Variants in GRID2 observed in about 807,000 individuals in gnomAD.
GRID2 encodes glutamate receptor ionotropic, delta-2.
GRID2 carries 33 observed loss-of-function variants against 114.8 expected under a neutral mutation model. The ratio of observed to expected loss-of-function variants is 0.29; its 90% confidence interval spans 0.22 to 0.38. GRID2 has a LOEUF of 0.38. Among genes scored for constraint, GRID2 ranks in the 10% least tolerant of loss-of-function variants. The probability of loss-of-function intolerance (pLI) is 1.00; values close to 1 mark genes in which losing one functional copy is unlikely to be tolerated. For synonymous variants in GRID2, 505 were observed against 449.9 expected (o/e 1.12, Z -1.55); for missense variants, 1,184 against 1,257.7 (o/e 0.94, Z 0.89).
intron 11 of GRID2, among the ~76,000 whole-genome samples, chr4:93,489,096 TAAAC>T (rs1467525833): frequency 5.3e-5 from 8 of 151,908 alleles, no homozygotes; most frequent in Non-Finnish European, 5.9e-5. Context: ...AGGACGGAAA[TAAAC>T]AAAAATGTTT....
intron 1 of GRID2, among the ~76,000 whole-genome samples, chr4:92,346,327 A>G (rs537965937): frequency 6.6e-6 from 1 of 152,098 alleles, no homozygotes; most frequent in African/African-American, 2.4e-5. Flanking sequence ...TATTTCATTC[A>G]TGGTATAATT....
At chr4:93,706,292 T>G (rs1470920376) in intron 14 of GRID2, among the ~76,000 whole-genome samples, 1 of 152,238 alleles carries the variant, frequency 6.6e-6, no homozygotes, top group Non-Finnish European at 1.5e-5. Flanking sequence ...TTTAACAATA[T>G]TGATACTTCC....
chr4:92,883,028 G>T (rs1327997738), intron 2 of GRID2, among the ~76,000 whole-genome samples: 1 of 152,108 alleles, frequency 6.6e-6, no homozygotes. Context: ...TTTCACAAAA[G>T]ATTTCTCTTT....
intron 14 of GRID2, among the ~76,000 whole-genome samples, chr4:93,744,799 G>A (rs1731704002): frequency 6.6e-6 from 1 of 152,116 alleles, no homozygotes; most frequent in South Asian, 2.1e-4. Context: ...AATCTTTTGT[G>A]AAAGGAATAA....
intron 2 of GRID2, among the ~76,000 whole-genome samples, chr4:92,741,519 C>T (rs1017716302): frequency 2.0e-5 from 3 of 152,140 alleles, no homozygotes; most frequent in Admixed American, 6.5e-5. Context: ...TTTGCTCCAT[C>T]ATTGAAAGTC....
intron 13 of GRID2, among the ~76,000 whole-genome samples, chr4:93,545,721 A>T (rs1420532244): frequency 6.6e-6 from 1 of 152,218 alleles, no homozygotes; most frequent in Non-Finnish European, 1.5e-5. Context: ...ACATAACTGT[A>T]TGCATATGTA....
At position 93,646,946 on chromosome 4, in the gene GRID2, C is replaced by T. The variant is rs142695503; in HGVS notation, c.2360+20511C>T. Among the ~76,000 whole-genome samples, 331 of 152,194 alleles carry T rather than the reference C, an allele frequency of 2.2e-3. 4 individuals are homozygous for T. Among genetic ancestry groups the T allele is most frequent in the African/African-American group, 7.5e-3 (312 of 41,526 alleles). On this transcript the variant is annotated intron_variant, in intron 14 of 15. Transcript: ENST00000282020. ...TAACAAACAAGGGAAATTAATACCT[C>T]GGCTTTGGGTTTAGTAAGCTTGAGA...
At position 93,163,356 on chromosome 4, in the gene GRID2, GTATATATATATATATATATATATATATA is replaced by G. The variant is rs57285537; in HGVS notation, c.736-44031_736-44004del. ...TTTCCACTTCTGATTTTTTTTTTGT[GTATATATATATATATATATATATATATA>G]TATATATATATATATACACTATATA... On this transcript the variant is annotated intron_variant, in intron 4 of 15. Coordinates refer to ENST00000282020, the MANE Select transcript of GRID2 (RefSeq NM_001510.4). 9.2e-3 allele frequency among the ~76,000 whole-genome samples: 520 copies of G among 56,260 alleles called. 14 individuals carry two copies. Among genetic ancestry groups the G allele is most frequent in the African/African-American group, 0.034 (438 of 12,922 alleles). The allele number at this position is 56,260 out of a possible 152,430, so 36.9% of individuals were successfully genotyped here. A position where few individuals can be genotyped will look rare whatever the true frequency, so the allele number is the denominator to read the frequency against.
intron 1 of GRID2, among the ~76,000 whole-genome samples, chr4:92,522,951 G>A (rs762777066): frequency 6.6e-6 from 1 of 151,876 alleles, no homozygotes; most frequent in African/African-American, 2.4e-5. Flanking sequence ...AAGTTTGGAG[G>A]AATTATAGCC....
intron 1 of GRID2, among the ~76,000 whole-genome samples, chr4:92,353,688 C>G (rs1287389252): frequency 6.6e-6 from 1 of 152,014 alleles, no homozygotes; most frequent in Non-Finnish European, 1.5e-5. Context: ...ACCAGCCTTT[C>G]CAGATTGGCT....
intron 13 of GRID2, among the ~76,000 whole-genome samples, chr4:93,546,889 G>A (rs926178010): frequency 8.6e-5 from 13 of 152,006 alleles, no homozygotes; most frequent in South Asian, 4.1e-4. Flanking sequence ...GTTCTAGTTG[G>A]CTAAAGGACT....
chr4:93,574,825 T>C (rs981344608), intron 13 of GRID2, among the ~76,000 whole-genome samples: 64 of 152,232 alleles, frequency 4.2e-4, no homozygotes, highest in Admixed American at 4.2e-3. Context: ...TCTGTGGCTG[T>C]GTAATAAATC....
intron 2 of GRID2, among the ~76,000 whole-genome samples, chr4:92,997,578 T>A (rs1371571806): frequency 1.3e-5 from 2 of 152,168 alleles, no homozygotes; most frequent in African/African-American, 4.8e-5. Context: ...CTGAGGGAAG[T>A]TGAAGAGGAT....
intron 13 of GRID2, among the ~76,000 whole-genome samples, chr4:93,534,653 A>G (rs1461053980): frequency 6.6e-6 from 1 of 152,124 alleles, no homozygotes; most frequent in African/African-American, 2.4e-5. Flanking sequence ...AAATTAAACA[A>G]AAGTGAATTG....
At chr4:93,525,668 T>G (rs1450888551) in intron 13 of GRID2, among the ~76,000 whole-genome samples, 1 of 152,212 alleles carries the variant, frequency 6.6e-6, no homozygotes, top group Non-Finnish European at 1.5e-5. Flanking sequence ...CTTTGGACAC[T>G]AATTTCAAAC....
intron 2 of GRID2, among the ~76,000 whole-genome samples, chr4:92,904,041 T>A (rs533349405): frequency 6.6e-6 from 1 of 151,928 alleles, no homozygotes; most frequent in East Asian, 1.9e-4. Flanking sequence ...AGAATAGTAC[T>A]ATATTCTGTC....
chr4:93,805,839 G>T (rs1431210983), intron 1 of GRID2, among the ~76,000 whole-genome samples: 1 of 152,204 alleles, frequency 6.6e-6, no homozygotes, highest in African/African-American at 2.4e-5. Context: ...GCTCACGCCT[G>T]TTATCCCAGC....
At chr4:92,894,513 C>T (rs1747017518) in intron 2 of GRID2, among the ~76,000 whole-genome samples, 1 of 151,756 alleles carries the variant, frequency 6.6e-6, no homozygotes, top group Non-Finnish European at 1.5e-5. Context: ...CCTGAGGGTC[C>T]CAGCTTGACA....
intron 1 of GRID2, among the ~76,000 whole-genome samples, chr4:92,574,626 G>T (rs6851174): frequency 0.4 from 61,422 of 151,752 alleles, 12,540 homozygotes; most frequent in African/African-American, 0.48. Flanking sequence ...TGGAAATTCT[G>T]TTCTTTAAAA....
Sources: allele counts gnomAD v4.1 joint callset (sites outside exome capture counted in the v4.1 genomes callset), GRCh38; gene constraint gnomAD v4.1.1; transcripts MANE v1.5; gene names NCBI Gene and HGNC (gene_info 2026-07-23, HGNC 2026-07-21).